Variants in RBM6 observed in about 807,000 individuals in gnomAD.
RBM6 encodes the protein RNA-binding protein 6.
A neutral mutation model predicts 140.4 loss-of-function variants in RBM6; 23 were observed. The observed-to-expected ratio is 0.16, with a 90% CI of 0.12 to 0.23. The LOEUF (loss-of-function observed/expected upper bound fraction) is 0.23, where lower values mean the gene tolerates loss of function less well. RBM6 is among the 10% of genes least tolerant of loss of function. RBM6 has a pLI of 1.00. For missense variants in RBM6, 1,139 were observed against 1,386.7 expected (o/e 0.82, Z 2.84); for synonymous variants, 439 against 475.6 (o/e 0.92, Z 1.00).
chr3:49,955,119 C>G (rs1450756628), intron 1 of RBM6, among the ~76,000 whole-genome samples: 1 of 132,456 alleles, frequency 7.5e-6, no homozygotes, highest in Non-Finnish European at 1.6e-5. Flanking sequence ...AACATAGCTA[C>G]TTTATTTATT....
intron 6 of RBM6, among the ~76,000 whole-genome samples, chr3:50,014,447 G>GA (rs2087012197): frequency 6.6e-6 from 1 of 152,166 alleles, no homozygotes; most frequent in South Asian, 2.1e-4. Context: ...GCAATTACTA[G>GA]AAAAAACAAA....
At chr3:50,041,820 C>T (rs1275043383) in intron 6 of RBM6, among the ~76,000 whole-genome samples, 2 of 152,148 alleles carry the variant, frequency 1.3e-5, no homozygotes, top group Non-Finnish European at 2.9e-5. Context: ...CTAAAAACTC[C>T]CTATGAGTCC....
intron 6 of RBM6, among the ~76,000 whole-genome samples, chr3:50,038,724 T>A (rs2088690732): frequency 6.6e-6 from 1 of 152,176 alleles, no homozygotes; most frequent in Admixed American, 6.5e-5. Context: ...TCCCAACTAC[T>A]CAGGAGGCTG....
At chr3:50,054,451 C>G in intron 8 of RBM6, 56 bp downstream of exon 8, 2 of 1,399,398 alleles carry the variant, frequency 1.4e-6, no homozygotes, top group Non-Finnish European at 2.0e-6. Flanking sequence ...AAACAAATTT[C>G]ATGTTTTCCT....
intron 7 of RBM6, among the ~76,000 whole-genome samples, chr3:50,048,825 C>T (rs759010862): frequency 9.9e-5 from 15 of 151,606 alleles, no homozygotes; most frequent in East Asian, 3.9e-4. Context: ...TTTTTTGAAA[C>T]GGAATCTCAT....
chr3:49,971,951 C>T (rs752006051), intron 3 of RBM6, 108 bp from the exon 4 acceptor site: 13 of 777,054 alleles, frequency 1.7e-5, no homozygotes, highest in Non-Finnish European at 2.4e-5. Flanking sequence ...TATATCTTCA[C>T]GTGACATGTC....
rs146589250 is a variant in RBM6 at position 50,016,335 on chromosome 3, C to T, written c.1557+16822C>T. Among the ~76,000 whole-genome samples the T allele has an allele frequency of 2.0e-5, 3 of 152,202 alleles. No homozygotes were observed. The East Asian group carries it at 5.8e-4, about 29-fold the overall frequency. On this transcript the variant is annotated intron_variant, in intron 6 of 20. Coordinates refer to ENST00000266022, the MANE Select transcript of RBM6 (RefSeq NM_005777.3). ...GCTTACATACCACATTTTCATTATCCATTCATTCATTGATGGGCAATGGAT... is the reference window on the plus strand; with the variant it reads ...GCTTACATACCACATTTTCATTATCTATTCATTCATTGATGGGCAATGGAT...
intron 6 of RBM6, chr3:50,047,038 C>A: frequency 3.0e-6 from 1 of 335,612 alleles, no homozygotes; most frequent in Non-Finnish European, 4.2e-6. Context: ...TGAGAACAAG[C>A]CAGGGAATAG....
rs747511082 is a variant in RBM6 at position 49,972,167 on chromosome 3, C to A, written c.1413+19C>A. 1 of 1,537,760 alleles carries A rather than the reference C, an allele frequency of 6.5e-7. No individual in the cohort carries two copies. The highest frequency in any genetic ancestry group is 2.2e-5 in the East Asian group (1 of 44,492). On this transcript the variant is annotated intron_variant, in intron 4 of 20. Transcript: ENST00000266022. ...AGAAGAGGTAAGGCATGTCTTCTCT[C>A]CTGTTTCTCTGTGTCAATTAAAAAT... is the stretch of plus-strand genomic sequence containing the variant.
intron 5 of RBM6, among the ~76,000 whole-genome samples, chr3:49,986,131 C>T (rs1575614952): frequency 2.0e-5 from 3 of 151,612 alleles, no homozygotes; most frequent in South Asian, 4.2e-4. Flanking sequence ...GAATTACAGG[C>T]GCCTGCCACC....
chr3:50,075,049 G>T, intron 19 of RBM6, 152 bp from the exon 20 acceptor site: 1 of 847,406 alleles, frequency 1.2e-6, no homozygotes, highest in Non-Finnish European at 1.8e-6. Flanking sequence ...CCAGCTAATC[G>T]GGAGGCTGAG....
chr3:49,963,266 C>G (rs2084364617), intron 2 of RBM6, among the ~76,000 whole-genome samples: 1 of 152,020 alleles, frequency 6.6e-6, no homozygotes, highest in African/African-American at 2.4e-5. Context: ...ACAAGTCTCT[C>G]TCTGTCTCCC....
intron 6 of RBM6, among the ~76,000 whole-genome samples, chr3:50,041,660 G>A (rs976106056): frequency 6.6e-6 from 1 of 152,126 alleles, no homozygotes; most frequent in African/African-American, 2.4e-5. Context: ...TGAAACTCCT[G>A]GTAGCAGCCA....
intron 10 of RBM6, 139 bp from the exon 11 acceptor site, chr3:50,059,510 A>C: frequency 1.6e-6 from 1 of 638,352 alleles, no homozygotes; most frequent in South Asian, 2.5e-5. Context: ...TTACTGTTAA[A>C]ATTTTGACAG....
intron 5 of RBM6, among the ~76,000 whole-genome samples, chr3:49,984,291 A>G (rs2085444637): frequency 6.6e-6 from 1 of 152,158 alleles, no homozygotes; most frequent in African/African-American, 2.4e-5. Context: ...CAACAGAGAG[A>G]GACCTTGTCT....
intron 1 of RBM6, among the ~76,000 whole-genome samples, chr3:49,948,385 G>A (rs966355863): frequency 1.3e-5 from 2 of 151,998 alleles, no homozygotes; most frequent in East Asian, 1.9e-4. Flanking sequence ...AAATTAGCTG[G>A]GTGTGGTGTG....
In RBM6 at chr3:49,954,418, C is replaced by T. The variant is rs910907174; in HGVS notation, c.-66-8158C>T. 4.2e-5 allele frequency among the ~76,000 whole-genome samples: 6 copies of T among 142,766 alleles called. No individual in the cohort carries two copies. The South Asian group carries it at 1.1e-3, about 26-fold the overall frequency. The allele number at this position is 142,766 out of a possible 152,430, so 93.7% of individuals were successfully genotyped here. On this transcript the variant is annotated intron_variant, in intron 1 of 20. Coordinates refer to ENST00000266022, the MANE Select transcript of RBM6 (RefSeq NM_005777.3). ...TTGCACCATTGCACTCCAGCCTGGG[C>T]GACAGAGCGAGACTCCATCTCAAAA... is the stretch of plus-strand genomic sequence containing the variant.
At chr3:50,066,021 A>G (rs888337528) in intron 16 of RBM6, among the ~76,000 whole-genome samples, 1 of 152,152 alleles carries the variant, frequency 6.6e-6, no homozygotes, top group Non-Finnish European at 1.5e-5. Flanking sequence ...TTCTGTTGCT[A>G]GAGTCACTTC....
intron 6 of RBM6, among the ~76,000 whole-genome samples, chr3:50,014,641 A>G (rs915674931): frequency 2.0e-5 from 3 of 152,178 alleles, no homozygotes; most frequent in African/African-American, 4.8e-5. Context: ...GTATGCTGAT[A>G]TAGTTAAGGG....
Sources: allele counts gnomAD v4.1 joint callset (sites outside exome capture counted in the v4.1 genomes callset), GRCh38; gene constraint gnomAD v4.1.1; transcripts MANE v1.5; gene names NCBI Gene and HGNC (gene_info 2026-07-23, HGNC 2026-07-21).